KIRREL1: variants seen among roughly 807,000 people sequenced by gnomAD.
KIRREL1 encodes the protein kirre like nephrin family adhesion molecule 1.
Under a neutral mutation model 83.3 loss-of-function variants are expected in KIRREL1, and 25 were observed. The ratio of observed to expected loss-of-function variants is 0.30; its 90% CI spans 0.22 to 0.42. The LOEUF (loss-of-function observed/expected upper bound fraction) is 0.42. Ranked by LOEUF, KIRREL1 falls within the 10% of genes least tolerant of loss-of-function variation. The probability of loss-of-function intolerance (pLI) is 1.00; values close to 1 mark genes in which losing one functional copy is unlikely to be tolerated. For missense variants in KIRREL1, 812 were observed against 1,032.3 expected, an observed-to-expected ratio of 0.79 and a Z score of 2.92; for synonymous variants, 388 against 410.4, an observed-to-expected ratio of 0.95 and a Z score of 0.66.
chr1:158,064,392 C>G (rs1269972996), intron 1 of KIRREL1, among the ~76,000 whole-genome samples: 1 of 152,204 alleles, frequency 6.6e-6, no homozygotes, highest in Admixed American at 6.5e-5. Flanking sequence ...AGAATTCCTT[C>G]CTTTAAACTT....
intron 2 of KIRREL1, among the ~76,000 whole-genome samples, chr1:158,076,802 A>G (rs979934442): frequency 1.3e-5 from 2 of 152,256 alleles, no homozygotes; most frequent in Non-Finnish European, 2.9e-5. Context: ...AGCACTGGCT[A>G]TGTAGCTGGT....
chr1:158,099,503 G>C lies in KIRREL1; in HGVS notation c.*4383G>C, dbSNP rs1281591374. The C allele has an allele frequency of 6.6e-6, 1 of 152,144 alleles. No individual in the cohort carries two copies. Among genetic ancestry groups the C allele is most frequent in the African/African-American group, 2.4e-5 (1 of 41,386 alleles). The allele number at this position is 152,144 out of a possible 1,614,324, so 9.4% of individuals were successfully genotyped here. A position where few individuals can be genotyped will look rare whatever the true frequency, so the allele number is the denominator to read the frequency against. ...GTGTGGTTTGGTAGGAAGGGGGTGTGTGTGGGGGTTAGTGGGGAATCCCAT... is the reference window on the plus strand; with the variant it reads ...GTGTGGTTTGGTAGGAAGGGGGTGTCTGTGGGGGTTAGTGGGGAATCCCAT... On this transcript the variant is annotated 3_prime_UTR_variant, in exon 15 of 15. Transcript: ENST00000359209.
At chr1:158,069,554 C>G (rs1661453471) in intron 1 of KIRREL1, among the ~76,000 whole-genome samples, 2 of 151,984 alleles carry the variant, frequency 1.3e-5, no homozygotes, top group African/African-American at 2.4e-5. Flanking sequence ...CCAGGAGGAT[C>G]AGTGTTAAGA....
At chr1:158,014,680 T>TGG (rs5778063) in intron 1 of KIRREL1, among the ~76,000 whole-genome samples, 9 of 91,790 alleles carry the variant, frequency 9.8e-5, no homozygotes, top group South Asian at 5.7e-4. Flanking sequence ...ATAGTCTTTA[T>TGG]GGGGGGGGGG....
At chr1:158,092,764 C>T (rs1322501484) in intron 11 of KIRREL1, among the ~76,000 whole-genome samples, 2 of 152,236 alleles carry the variant, frequency 1.3e-5, no homozygotes, top group East Asian at 3.9e-4. Context: ...GAGCTATAAG[C>T]AGGATCTGGA....
rs146778413 is a variant in KIRREL1, at chr1:158,076,992, G to A, written c.202+730G>A. On this transcript the variant is annotated intron_variant, in intron 2 of 14. Coordinates refer to ENST00000359209, the MANE Select transcript of KIRREL1 (RefSeq NM_018240.7). ...TCACCTCTCTGGACCTTCATTTACT[G>A]TGTGAAGCAGGCATAGTGGTTGCAG... Among the ~76,000 whole-genome samples, 162 of 152,348 alleles carry A rather than the reference G, an allele frequency of 1.1e-3. 1 individual carries two copies. Among genetic ancestry groups the A allele is most frequent in the African/African-American group, 3.8e-3 (156 of 41,576 alleles).
rs945354674 is a variant in KIRREL1, at chr1:158,062,480, G to A, written c.53-13633G>A. On this transcript the variant is annotated intron_variant, in intron 1 of 14. Transcript: ENST00000359209. ...CCGGTTGGAACTGCTTTTACTTTAC[G>A]CAGAATTGATCCAGATGACCCCAAC... Among the ~76,000 whole-genome samples the A allele has an allele frequency of 7.2e-5, 11 of 152,326 alleles. No individual in the cohort carries two copies. In the East Asian group the frequency reaches 1.5e-3, roughly 21 times the overall value.
intron 1 of KIRREL1, among the ~76,000 whole-genome samples, chr1:158,045,288 C>T (rs1468852090): frequency 1.3e-5 from 2 of 152,158 alleles, no homozygotes; most frequent in East Asian, 3.9e-4. Flanking sequence ...TGTGGGAACG[C>T]CCAGAATCCA....
intron 3 of KIRREL1, among the ~76,000 whole-genome samples, chr1:158,081,334 C>A (rs1661848590): frequency 6.6e-6 from 1 of 152,184 alleles, no homozygotes; most frequent in Non-Finnish European, 1.5e-5. Flanking sequence ...ATGAAATATA[C>A]TTTGTGGTAG....
In KIRREL1 at chr1:157,993,785, G is replaced by A; in HGVS notation, c.52+57G>A. 6 of 1,221,374 alleles carry A rather than the reference G, an allele frequency of 4.9e-6. No individual in the cohort carries two copies. The South Asian group carries it at 9.6e-5, about 20-fold the overall frequency. The allele number at this position is 1,221,374 out of a possible 1,614,324, so 75.7% of individuals were successfully genotyped here. A position where few individuals can be genotyped will look rare whatever the true frequency, so the allele number is the denominator to read the frequency against. On this transcript the variant is annotated intron_variant, in intron 1 of 14. Transcript: ENST00000359209. ...GGCTTCCCCCCGGGGCCGGGGCACTGCTTCCCCGGTGGGAGAGTGCTGGAG... is the reference window on the plus strand; with the variant it reads ...GGCTTCCCCCCGGGGCCGGGGCACTACTTCCCCGGTGGGAGAGTGCTGGAG...
Position 158,015,417 on chromosome 1 carries a change from T to C in KIRREL1, c.52+21689T>C, listed in dbSNP as rs76788736. 9.7e-3 allele frequency among the ~76,000 whole-genome samples: 1,473 copies of C among 152,266 alleles called. 9 individuals carry two copies. Among genetic ancestry groups the C allele is most frequent in the Non-Finnish European group, 0.012 (807 of 68,020 alleles). Reference sequence around the variant, plus strand: ...GTTATCCTCAGACTAAGCCAGACCATTGGAGAGTTGGGAACCAAGATGGAA... The same window carrying C: ...GTTATCCTCAGACTAAGCCAGACCACTGGAGAGTTGGGAACCAAGATGGAA... On this transcript the variant is annotated intron_variant, in intron 1 of 14. Transcript: ENST00000359209.
intron 4 of KIRREL1, 27 bp downstream of exon 4, chr1:158,084,606 C>A: frequency 6.5e-7 from 1 of 1,548,974 alleles, no homozygotes; most frequent in Non-Finnish European, 8.7e-7. Context: ...TCCCCCAGCT[C>A]CTCCTGGGCC....
chr1:158,006,804 A>G (rs1557985704), intron 1 of KIRREL1, among the ~76,000 whole-genome samples: 1 of 152,228 alleles, frequency 6.6e-6, no homozygotes, highest in East Asian at 1.9e-4. Context: ...CAGTGCTGAC[A>G]TCTGCTGCTG....
chr1:158,059,900 A>G (rs1401593779), intron 1 of KIRREL1, among the ~76,000 whole-genome samples: 1 of 151,976 alleles, frequency 6.6e-6, no homozygotes. Context: ...TTAGGTATGG[A>G]TTGGAATTAG....
At chr1:158,004,001 C>T (rs563405956) in intron 1 of KIRREL1, among the ~76,000 whole-genome samples, 128 of 152,240 alleles carry the variant, frequency 8.4e-4, no homozygotes, top group Middle Eastern at 3.4e-3. Context: ...CAACACAACC[C>T]GGTTCCTGGA....
At chr1:158,057,904 G>A (rs1237061766) in intron 1 of KIRREL1, among the ~76,000 whole-genome samples, 5 of 152,274 alleles carry the variant, frequency 3.3e-5, no homozygotes, top group African/African-American at 9.6e-5. Context: ...AGTACCTAGG[G>A]GCTTTCTCTA....
rs1224354790 is a variant in KIRREL1, at chr1:158,099,381, TCTC to T, written c.*4265_*4267del. On this transcript the variant is annotated 3_prime_UTR_variant, in exon 15 of 15. Transcript: ENST00000359209. ...TATCCCCCTATGGTATTTCTCCTCCTCTCCTCAAGGCCAGGCTTTTTGTGAAAG... is the reference window on the plus strand; with the variant it reads ...TATCCCCCTATGGTATTTCTCCTCCTCTCAAGGCCAGGCTTTTTGTGAAAG... 1 of 152,220 alleles carries T rather than the reference TCTC, an allele frequency of 6.6e-6. No homozygotes were observed. Among genetic ancestry groups the T allele is most frequent in the African/African-American group, 2.4e-5 (1 of 41,450 alleles). 9.4% of individuals were successfully genotyped at this position (152,220 alleles called of 1,614,324 possible).
chr1:158,046,243 C>G (rs975054673), intron 1 of KIRREL1, among the ~76,000 whole-genome samples: 3 of 152,164 alleles, frequency 2.0e-5, no homozygotes, highest in Admixed American at 2.0e-4. Flanking sequence ...AAATGAGAAC[C>G]AGCAGGACTT....
At position 158,091,313 on chromosome 1, in the gene KIRREL1, GC is replaced by G. The variant is rs1186121928; in HGVS notation, c.1273-40del. 1.9e-6 allele frequency: 3 copies of G among 1,561,320 alleles called. No homozygotes were observed. The East Asian group carries it at 6.7e-5, about 35-fold the overall frequency. ...AGGGGACACGTGGGCATGGGCTTCT[GC>G]CCCCTGCCCCTTTCTTACCTTCTTC... is the stretch of plus-strand genomic sequence containing the variant. On this transcript the variant is annotated intron_variant, in intron 10 of 14. Coordinates refer to ENST00000359209, the MANE Select transcript of KIRREL1 (RefSeq NM_018240.7).
Sources: gnomAD v4.1 joint callset for allele counts (sites outside exome capture counted in the v4.1 genomes callset) on GRCh38, gnomAD v4.1.1 for gene constraint, MANE v1.5 for transcripts, NCBI Gene and HGNC (gene_info 2026-07-23, HGNC 2026-07-21) for gene names.